FBXO25: variants seen among roughly 807,000 people sequenced by gnomAD.
FBXO25 encodes F-box protein 25.
A neutral mutation model predicts 51.9 loss-of-function variants in FBXO25; 45 were observed. That is an observed-to-expected ratio of 0.87 (90% CI 0.68 to 1.11). The LOEUF is 1.11. Among genes scored for constraint, FBXO25 ranks in the 50% most tolerant of loss-of-function variants. The pLI is 0.00. For missense variants in FBXO25, 507 were observed against 428.5 expected (o/e 1.18, Z -1.62); for synonymous variants, 199 against 151.0 (o/e 1.32, Z -2.33).
chr8:413,949 T>A (rs1318908052), intron 2 of FBXO25, among the ~76,000 whole-genome samples: 1 of 152,124 alleles, frequency 6.6e-6, no homozygotes, highest in South Asian at 2.1e-4. Flanking sequence ...CACAGTGGTG[T>A]TTGAGAATTT....
chr8:441,026 T>A (rs1219496173), intron 5 of FBXO25, among the ~76,000 whole-genome samples: 1 of 148,296 alleles, frequency 6.7e-6, no homozygotes, highest in East Asian at 2.0e-4. Flanking sequence ...TTTGCTATTG[T>A]GAACAGTGCT....
chr8:444,771 T>A (rs549877582), intron 5 of FBXO25, among the ~76,000 whole-genome samples: 1 of 152,308 alleles, frequency 6.6e-6, no homozygotes, highest in African/African-American at 2.4e-5. Context: ...TGTTTAGATA[T>A]ATTTAGATAT....
In FBXO25 at chr8:444,418, T is replaced by C. The variant is rs562751450; in HGVS notation, c.382-5572T>C. Among the ~76,000 whole-genome samples, 5 of 152,326 alleles carry C rather than the reference T, an allele frequency of 3.3e-5. No homozygotes were observed. The East Asian group carries it at 9.6e-4, about 29-fold the overall frequency. ...CTCGAATTTCAAATAGCTGTGATTTTATTTAACTTTATTGGATTCTAGTTT... is the reference window on the plus strand; with the variant it reads ...CTCGAATTTCAAATAGCTGTGATTTCATTTAACTTTATTGGATTCTAGTTT... On this transcript the variant is annotated intron_variant, in intron 5 of 9. Coordinates refer to ENST00000350302, the MANE Select transcript of FBXO25 (RefSeq NM_183420.2).
intron 2 of FBXO25, among the ~76,000 whole-genome samples, chr8:418,400 C>T (rs1303971503): frequency 1.6e-5 from 2 of 124,026 alleles, no homozygotes; most frequent in African/African-American, 3.2e-5. Flanking sequence ...AGTGCAGTGG[C>T]ATGATCTCGG....
At chr8:467,883 C>G in intron 9 of FBXO25, 1 of 1,550,676 alleles carries the variant, frequency 6.4e-7, no homozygotes, top group South Asian at 1.2e-5. Flanking sequence ...GGACCCTGAG[C>G]AGGGCTGAGT....
chr8:453,340 G>A (rs1316119287), intron 7 of FBXO25, among the ~76,000 whole-genome samples: 2 of 152,104 alleles, frequency 1.3e-5, no homozygotes, highest in African/African-American at 4.8e-5. Context: ...GTCCCTGGGT[G>A]CTCTCTGGAG....
intron 2 of FBXO25, among the ~76,000 whole-genome samples, chr8:431,127 T>C (rs1797794947): frequency 6.6e-6 from 1 of 152,214 alleles, no homozygotes; most frequent in Non-Finnish European, 1.5e-5. Context: ...CCTTCAGAGA[T>C]TCTAAAACAT....
chr8:473,792 A>G lies in FBXO25; in HGVS notation c.*4988A>G. 1 of 152,200 alleles carries G rather than the reference A, an allele frequency of 6.6e-6. No homozygotes were observed. Among genetic ancestry groups the G allele is most frequent in the East Asian group, 1.9e-4 (1 of 5,192 alleles). The allele number at this position is 152,200 out of a possible 1,614,324, so 9.4% of individuals were successfully genotyped here. A position where few individuals can be genotyped will look rare whatever the true frequency, so the allele number is the denominator to read the frequency against. On this transcript the variant is annotated 3_prime_UTR_variant, in exon 10 of 10. Coordinates refer to ENST00000350302, the MANE Select transcript of FBXO25 (RefSeq NM_183420.2). ...TGAGGACATCTGTGTCAAATAGAAGAGACACCTCAACTGTCTCGTTTTTGC... is the reference window on the plus strand; with the variant it reads ...TGAGGACATCTGTGTCAAATAGAAGGGACACCTCAACTGTCTCGTTTTTGC...
In FBXO25 at chr8:409,111, G is replaced by A. The variant is rs547133924; in HGVS notation, c.-8+2045G>A. On this transcript the variant is annotated intron_variant, in intron 1 of 9. Transcript: ENST00000350302. ...CTGATTTGCAAACTCAGAAGCCTCA[G>A]TTTGGGAGTATTTTTGAAAACTTGA... Among the ~76,000 whole-genome samples, 4 of 152,266 alleles carry A rather than the reference G, an allele frequency of 2.6e-5. No homozygotes were observed. The South Asian group carries it at 8.3e-4, about 32-fold the overall frequency.
intron 9 of FBXO25, 72 bp from the exon 10 acceptor site, chr8:468,643 C>A (rs989623977): frequency 1.7e-6 from 2 of 1,171,256 alleles, no homozygotes; most frequent in Non-Finnish European, 2.5e-6. Context: ...CAGCTGACGA[C>A]CCCTCAAGCA....
intron 5 of FBXO25, 149 bp downstream of exon 5, chr8:435,856 T>G (rs1798073686): frequency 8.4e-7 from 1 of 1,187,214 alleles, no homozygotes. Context: ...AGGGAACAAG[T>G]TCAGGAGAAA....
In FBXO25 at chr8:477,669, G is replaced by C. The variant is rs1185118355; in HGVS notation, c.*8865G>C. 5 of 149,428 alleles carry C rather than the reference G, an allele frequency of 3.3e-5. No individual in the cohort carries two copies. The highest frequency in any genetic ancestry group is 1.3e-4 in the Admixed American group (2 of 15,182). 9.3% of individuals were successfully genotyped at this position (149,428 alleles called of 1,614,324 possible). A position where few individuals can be genotyped will look rare whatever the true frequency, so the allele number is the denominator to read the frequency against. ...GATTGTTGGCTTTTCCAGCCATGGG[G>C]CTCTCTTGCCACTTGGCAGTAGTGG... is the stretch of plus-strand genomic sequence containing the variant. On this transcript the variant is annotated 3_prime_UTR_variant, in exon 10 of 10. Transcript: ENST00000350302.
At chr8:429,844 C>T (rs1797710724) in intron 2 of FBXO25, among the ~76,000 whole-genome samples, 1 of 152,222 alleles carries the variant, frequency 6.6e-6, no homozygotes, top group African/African-American at 2.4e-5. Context: ...AAGGTCACCT[C>T]CACCTGTGGA....
chr8:469,991 T>C lies in FBXO25; in HGVS notation c.*1187T>C, dbSNP rs1362458279. On this transcript the variant is annotated 3_prime_UTR_variant, in exon 10 of 10. Transcript: ENST00000350302. ...TTTCTCCTGAGGCGATGCAAATACCTGGGGCCTCTGCGAATATATGTTAGT... is the reference window on the plus strand; with the variant it reads ...TTTCTCCTGAGGCGATGCAAATACCCGGGGCCTCTGCGAATATATGTTAGT... The C allele has an allele frequency of 6.6e-6, 1 of 152,208 alleles. No individual in the cohort carries two copies. Among genetic ancestry groups the C allele is most frequent in the African/African-American group, 2.4e-5 (1 of 41,456 alleles). 9.4% of individuals were successfully genotyped at this position (152,208 alleles called of 1,614,324 possible).
At chr8:431,164 T>C (rs1160845584) in intron 2 of FBXO25, among the ~76,000 whole-genome samples, 177 bp from the exon 3 acceptor site, 1 of 152,206 alleles carries the variant, frequency 6.6e-6, no homozygotes, top group Non-Finnish European at 1.5e-5. Flanking sequence ...TACAATATTC[T>C]CAAAGAACCA....
At chr8:417,575 C>G (rs1442133983) in intron 2 of FBXO25, among the ~76,000 whole-genome samples, 2 of 152,224 alleles carry the variant, frequency 1.3e-5, no homozygotes, top group Non-Finnish European at 2.9e-5. Flanking sequence ...TCCGCCTTGT[C>G]TTGCACAGGG....
chr8:417,136 C>T (rs576243498), intron 2 of FBXO25, among the ~76,000 whole-genome samples: 9 of 152,272 alleles, frequency 5.9e-5, no homozygotes, highest in East Asian at 5.8e-4. Flanking sequence ...AGCCCGGAAG[C>T]GGGGCCAGTA....
intron 2 of FBXO25, 98 bp downstream of exon 2, chr8:413,311 C>G: frequency 1.5e-6 from 2 of 1,362,148 alleles, no homozygotes; most frequent in Admixed American, 2.9e-5. Context: ...ACTTTTGAGA[C>G]TTGCCCACCC....
chr8:426,348 TA>T (rs1382139593), intron 2 of FBXO25, among the ~76,000 whole-genome samples: 1 of 152,204 alleles, frequency 6.6e-6, no homozygotes, highest in Non-Finnish European at 1.5e-5. Context: ...TTGAATATCT[TA>T]AATATGTTAC....
Sources: allele counts gnomAD v4.1 joint callset (sites outside exome capture counted in the v4.1 genomes callset), GRCh38; gene constraint gnomAD v4.1.1; transcripts MANE v1.5; gene names NCBI Gene and HGNC (gene_info 2026-07-23, HGNC 2026-07-21).